The following SLC25A48 variants were observed in gnomAD, a reference collection of about 807,000 sequenced individuals.
SLC25A48 encodes the protein solute carrier family 25 member 48.
In SLC25A48, 29 loss-of-function variants were observed where a neutral mutation model predicts 32.2. That is an observed-to-expected ratio of 0.90 (90% CI 0.67 to 1.23). The LOEUF (loss-of-function observed/expected upper bound fraction) is 1.23. SLC25A48 is among the 50% of genes most tolerant of loss of function. The pLI is 0.00. For missense variants in SLC25A48, 399 were observed against 422.7 expected (o/e 0.94, Z 0.49); for synonymous variants, 164 against 172.3 (o/e 0.95, Z 0.38).
chr5:135,836,266 T>C (rs1259692530), intron 1 of SLC25A48, among the ~76,000 whole-genome samples: 2 of 151,920 alleles, frequency 1.3e-5, no homozygotes, highest in Admixed American at 6.6e-5. Context: ...AAGTAGGGGA[T>C]TTTTGTGCTT....
intron 3 of SLC25A48, chr5:135,648,954 G>A (rs1753035848): frequency 6.6e-6 from 1 of 152,270 alleles, no homozygotes; most frequent in Admixed American, 6.5e-5. Flanking sequence ...CTGGACACCG[G>A]TTATGGTACC....
chr5:135,675,504 G>A lies in SLC25A48; in HGVS notation c.-521+40548G>A, dbSNP rs111948234. ...TTCTTGGCACCTTTATTGAAAATCA[G>A]TTGCTGTAAATACGTGGACTTATTC... On this transcript the variant is annotated intron_variant, in intron 3 of 10. Coordinates refer to the SLC25A48 transcript ENST00000646290. Among the ~76,000 whole-genome samples the A allele has an allele frequency of 8.2e-3, 1,247 of 152,018 alleles. 19 individuals are homozygous for A. Among genetic ancestry groups the A allele is most frequent in the African/African-American group, 0.029 (1,212 of 41,536 alleles).
chr5:135,652,062 T>G (rs1343987131), intron 3 of SLC25A48, among the ~76,000 whole-genome samples: 1 of 152,228 alleles, frequency 6.6e-6, no homozygotes, highest in African/African-American at 2.4e-5. Context: ...TCAGCCACCC[T>G]AGTGCTTGCT....
At chr5:135,661,830 C>CT (rs890430018) in intron 3 of SLC25A48, among the ~76,000 whole-genome samples, 3 of 152,172 alleles carry the variant, frequency 2.0e-5, no homozygotes, top group African/African-American at 7.2e-5. Context: ...CCTCATTACT[C>CT]TTAACAGCTA....
chr5:135,770,739 G>T (rs1034753319), intron 3 of SLC25A48, among the ~76,000 whole-genome samples: 2 of 151,440 alleles, frequency 1.3e-5, no homozygotes, highest in Admixed American at 6.6e-5. Context: ...TACCACCCCT[G>T]TGGCATTGTT....
intron 3 of SLC25A48, among the ~76,000 whole-genome samples, chr5:135,711,322 C>T (rs187044730): frequency 6.6e-6 from 1 of 152,324 alleles, no homozygotes; most frequent in East Asian, 1.9e-4. Context: ...TATTCCAGAG[C>T]AGCTCAACCA....
At chr5:135,805,829 G>A (rs1171920066) in intron 3 of SLC25A48, among the ~76,000 whole-genome samples, 1 of 151,412 alleles carries the variant, frequency 6.6e-6, no homozygotes, top group Admixed American at 6.6e-5. Context: ...ATATTTTAGG[G>A]AGATATTACT....
At position 135,737,486 on chromosome 5, in the gene SLC25A48, A is replaced by G. The variant is rs188199790; in HGVS notation, c.-520-75037A>G. On this transcript the variant is annotated intron_variant, in intron 3 of 10. Transcript: ENST00000646290. ...CTTATCTTGGGCTCAGAGACCTGAC[A>G]TGGAGGACAAGAGTAGAACCTCTAG... 6.4e-3 allele frequency among the ~76,000 whole-genome samples: 971 copies of G among 152,308 alleles called. 4 individuals carry two copies. The highest frequency in any genetic ancestry group is 0.01 in the Non-Finnish European group (687 of 68,016).
At chr5:135,739,466 G>A (rs556456094) in intron 3 of SLC25A48, among the ~76,000 whole-genome samples, 1 of 152,236 alleles carries the variant, frequency 6.6e-6, no homozygotes, top group East Asian at 1.9e-4. Flanking sequence ...GATTCGTCAG[G>A]GGTGTTTTCT....
chr5:135,658,274 G>A (rs1753302805), intron 3 of SLC25A48, among the ~76,000 whole-genome samples: 1 of 152,114 alleles, frequency 6.6e-6, no homozygotes, highest in Non-Finnish European at 1.5e-5. Context: ...CAAAACAAAG[G>A]AGCTACAGGC....
chr5:135,718,730 C>G (rs1252985418), intron 3 of SLC25A48, among the ~76,000 whole-genome samples: 1 of 152,124 alleles, frequency 6.6e-6, no homozygotes, highest in East Asian at 1.9e-4. Flanking sequence ...AATTATGCTG[C>G]CTGAAGAAAA....
rs951968833 is a variant in SLC25A48 at position 135,861,695 on chromosome 5, A to G, written c.421+8874A>G. Among the ~76,000 whole-genome samples, 3 of 152,226 alleles carry G rather than the reference A, an allele frequency of 2.0e-5. No individual in the cohort carries two copies. In the South Asian group the frequency reaches 6.2e-4, roughly 32 times the overall value. On this transcript the variant is annotated intron_variant, in intron 4 of 7. Transcript: ENST00000681962. ...TGGTATGATCAGCGAATATATTCAT[A>G]AAGAGTTCTCTTTATTTAGGGTTAT...
At chr5:135,825,296 T>C (rs1231194760) in intron 4 of SLC25A48, among the ~76,000 whole-genome samples, 1 of 152,186 alleles carries the variant, frequency 6.6e-6, no homozygotes, top group Non-Finnish European at 1.5e-5. Flanking sequence ...TCAGAGAAGT[T>C]AAGTGACTTG....
intron 3 of SLC25A48, among the ~76,000 whole-genome samples, chr5:135,741,661 A>T (rs1372225786): frequency 5.3e-5 from 8 of 152,124 alleles, no homozygotes; most frequent in Non-Finnish European, 1.0e-4. Context: ...TAGATTGATG[A>T]GCCGGGGAGA....
chr5:135,637,883 A>T (rs1752742362), intron 3 of SLC25A48, among the ~76,000 whole-genome samples: 1 of 152,174 alleles, frequency 6.6e-6, no homozygotes, highest in Admixed American at 6.6e-5. Context: ...TAGCTCAAGT[A>T]CTTTGATTCC....
chr5:135,713,890 G>A (rs572766386), intron 3 of SLC25A48, among the ~76,000 whole-genome samples: 5 of 152,310 alleles, frequency 3.3e-5, no homozygotes, highest in African/African-American at 9.6e-5. Context: ...AGGAGCCTCC[G>A]TTGGGTTGGT....
intron 1 of SLC25A48, among the ~76,000 whole-genome samples, chr5:135,590,533 T>C (rs73789264): frequency 0.08 from 12,194 of 152,190 alleles, 499 homozygotes; most frequent in South Asian, 0.15. Flanking sequence ...GTGTGGGTTT[T>C]TTTTTCCTTT....
intron 1 of SLC25A48, among the ~76,000 whole-genome samples, chr5:135,622,627 G>C (rs1580730712): frequency 6.6e-6 from 1 of 152,164 alleles, no homozygotes; most frequent in East Asian, 1.9e-4. Flanking sequence ...GAGACATAGA[G>C]AAAAGATGGA....
At chr5:135,639,559 A>G (rs908568090) in intron 3 of SLC25A48, among the ~76,000 whole-genome samples, 2 of 152,116 alleles carry the variant, frequency 1.3e-5, no homozygotes, top group Non-Finnish European at 2.9e-5. Context: ...TTGGGAGCTT[A>G]ATATAAATAT....
Sources: allele counts gnomAD v4.1 joint callset (sites outside exome capture counted in the v4.1 genomes callset), GRCh38; gene constraint gnomAD v4.1.1; transcripts MANE v1.5; gene names NCBI Gene and HGNC (gene_info 2026-07-23, HGNC 2026-07-21).